SLX9: variants seen among roughly 807,000 people sequenced by gnomAD.
The protein encoded by SLX9 is SLX9 ribosome biogenesis factor.
SLX9 carries 19 observed loss-of-function variants against 20.8 expected under a neutral mutation model. The observed-to-expected ratio is 0.91, with a 90% CI of 0.64 to 1.34. SLX9 has a LOEUF of 1.34. Ranked by LOEUF, SLX9 falls within the 40% of genes most tolerant of loss-of-function variation. SLX9 has a pLI of 0.00. For missense variants in SLX9, 299 were observed against 322.2 expected (o/e 0.93, Z 0.55); for synonymous variants, 113 against 137.1 (o/e 0.82, Z 1.23).
Position 44,969,179 on chromosome 21 carries a change from G to T in SLX9, c.500+1998G>T, listed in dbSNP as rs544936206. On this transcript the variant is annotated intron_variant, in intron 4 of 5. Transcript: ENST00000291634. ...CATGGCCCAGCTGCCCAGGCTCGAG[G>T]GTGGCAGGTCACGCGCTGCAGGCCC... 12 of 470,640 alleles carry T rather than the reference G, an allele frequency of 2.5e-5. No individual in the cohort carries two copies. In the East Asian group the frequency reaches 8.3e-4, roughly 33 times the overall value. The allele number at this position is 470,640 out of a possible 1,614,324, so 29.2% of individuals were successfully genotyped here. A position where few individuals can be genotyped will look rare whatever the true frequency, so the allele number is the denominator to read the frequency against.
At chr21:44,953,376 G>A (rs546753717) in intron 2 of SLX9, among the ~76,000 whole-genome samples, 32 of 152,170 alleles carry the variant, frequency 2.1e-4, no homozygotes, top group Non-Finnish European at 4.1e-4. Context: ...CAAGAGCTGC[G>A]AGTGGCTGTA....
intron 4 of SLX9, among the ~76,000 whole-genome samples, chr21:44,970,349 C>T (rs536595588): frequency 1.3e-5 from 2 of 148,850 alleles, no homozygotes; most frequent in Admixed American, 6.6e-5. Flanking sequence ...CAGCATTGGC[C>T]GCTGGGAGTT....
intron 2 of SLX9, among the ~76,000 whole-genome samples, chr21:44,947,122 G>C (rs1301090914): frequency 1.3e-5 from 2 of 152,146 alleles, no homozygotes; most frequent in East Asian, 1.9e-4. Context: ...TTTTGGTGTG[G>C]TCTCCTCAGC....
intron 5 of SLX9, among the ~76,000 whole-genome samples, chr21:44,975,051 A>G (rs549814078): frequency 3.4e-4 from 52 of 152,310 alleles, no homozygotes; most frequent in Middle Eastern, 6.8e-3. Flanking sequence ...TGCTTCTGAG[A>G]GGAGAGCAGG....
rs531851949 is a variant in SLX9 at position 44,970,854 on chromosome 21, C to T, written c.501-2343C>T. 3.3e-5 allele frequency among the ~76,000 whole-genome samples: 5 copies of T among 152,264 alleles called. No individual in the cohort carries two copies. The East Asian group carries it at 5.8e-4, about 18-fold the overall frequency. On this transcript the variant is annotated intron_variant, in intron 4 of 5. Coordinates refer to ENST00000291634, the MANE Select transcript of SLX9 (RefSeq NM_058190.4). Reference sequence around the variant, plus strand: ...ACCCAAGCATTGGGTCCTTGCCCCACGGCCCCTCCCAACCCTCAGTCCCCT... The same window carrying T: ...ACCCAAGCATTGGGTCCTTGCCCCATGGCCCCTCCCAACCCTCAGTCCCCT...
At chr21:44,944,253 G>C (rs1471657060) in intron 2 of SLX9, among the ~76,000 whole-genome samples, 1 of 152,240 alleles carries the variant, frequency 6.6e-6, no homozygotes, top group Non-Finnish European at 1.5e-5. Context: ...AATAACTCTT[G>C]AGGGTTTAGA....
intron 2 of SLX9, among the ~76,000 whole-genome samples, chr21:44,956,692 G>A (rs1221492392): frequency 3.9e-5 from 6 of 152,234 alleles, no homozygotes; most frequent in African/African-American, 4.8e-5. Context: ...CGGAAAAGCC[G>A]GTCTCATGCT....
chr21:44,950,581 C>T lies in SLX9; in HGVS notation c.283+6744C>T, dbSNP rs796577030. Among the ~76,000 whole-genome samples the T allele has an allele frequency of 3.3e-5, 5 of 152,250 alleles. No homozygotes were observed. The South Asian group carries it at 6.2e-4, about 19-fold the overall frequency. ...TCTTAAGCCAGGCATCCTTGTGAGC[C>T]ACATGTTGTTGAGACGCTAGACCAG... On this transcript the variant is annotated intron_variant, in intron 2 of 5. Coordinates refer to ENST00000291634, the MANE Select transcript of SLX9 (RefSeq NM_058190.4).
chr21:44,970,841 G>A (rs2123454912), intron 4 of SLX9, among the ~76,000 whole-genome samples: 1 of 152,298 alleles, frequency 6.6e-6, no homozygotes, highest in South Asian at 2.1e-4. Context: ...CCAAGCATTG[G>A]GTCCTTGCCC....
At chr21:44,973,096 C>A in intron 4 of SLX9, 101 bp from the exon 5 acceptor site, 1 of 1,343,052 alleles carries the variant, frequency 7.4e-7, no homozygotes. Context: ...CCTCTGGCCA[C>A]CACGACGTCT....
intron 2 of SLX9, among the ~76,000 whole-genome samples, chr21:44,956,701 C>A (rs1462697571): frequency 6.6e-6 from 1 of 152,226 alleles, no homozygotes; most frequent in Non-Finnish European, 1.5e-5. Flanking sequence ...CGGTCTCATG[C>A]TGATTTTCCT....
intron 2 of SLX9, among the ~76,000 whole-genome samples, chr21:44,949,725 C>T (rs991965177): frequency 2.6e-5 from 4 of 152,284 alleles, no homozygotes; most frequent in Admixed American, 6.5e-5. Flanking sequence ...GACTGGGTGA[C>T]GAGGCCACCA....
At position 44,976,891 on chromosome 21, in the gene SLX9, G is replaced by C; in HGVS notation, c.*88G>C. ...CCCTCAAGGACCATGGCCTGAGCCT[G>C]GTGGACGCCCTTCCCTCTGGTCGGT... is the stretch of plus-strand genomic sequence containing the variant. On this transcript the variant is annotated 3_prime_UTR_variant, in exon 6 of 6. Coordinates refer to ENST00000291634, the MANE Select transcript of SLX9 (RefSeq NM_058190.4). 3 of 1,506,788 alleles carry C rather than the reference G, an allele frequency of 2.0e-6. No individual in the cohort carries two copies. Among genetic ancestry groups the C allele is most frequent in the South Asian group, 1.2e-5 (1 of 82,114 alleles). 93.3% of individuals were successfully genotyped at this position (1,506,788 alleles called of 1,614,324 possible).
chr21:44,946,413 G>A (rs1242658147), intron 2 of SLX9, among the ~76,000 whole-genome samples: 2 of 152,238 alleles, frequency 1.3e-5, no homozygotes, highest in Non-Finnish European at 1.5e-5. Flanking sequence ...CCCATAGCCC[G>A]CCTTGAGGGG....
intron 2 of SLX9, among the ~76,000 whole-genome samples, chr21:44,945,562 C>T (rs866869277): frequency 7.2e-5 from 11 of 152,220 alleles, no homozygotes; most frequent in East Asian, 3.8e-4. Context: ...TTTAGGGAGA[C>T]GTCACGCTCA....
chr21:44,971,050 A>G (rs1160912796), intron 4 of SLX9, among the ~76,000 whole-genome samples: 1 of 104,896 alleles, frequency 9.5e-6, no homozygotes. Flanking sequence ...GCGACACTTG[A>G]CTCCGGTGAC....
At chr21:44,963,713 A>C (rs981571475) in intron 3 of SLX9, among the ~76,000 whole-genome samples, 1 of 152,210 alleles carries the variant, frequency 6.6e-6, no homozygotes, top group African/African-American at 2.4e-5. Context: ...GAAAAATCAG[A>C]AAGTCTCATA....
chr21:44,976,356 G>GGAGT (rs2085262525), intron 5 of SLX9, among the ~76,000 whole-genome samples: 1 of 152,210 alleles, frequency 6.6e-6, no homozygotes, highest in African/African-American at 2.4e-5. Context: ...TCTCATGTAA[G>GGAGT]GAGTGAGTCT....
rs898274120 is a variant in SLX9, at chr21:44,963,624, A to G, written c.353-3410A>G. ...GTGGTTAAGTTCCTTTTTTCCCCCT[A>G]ATATGGATATTCAGCTGTTCCAGCA... On this transcript the variant is annotated intron_variant, in intron 3 of 5. Transcript: ENST00000291634. Among the ~76,000 whole-genome samples the G allele has an allele frequency of 3.9e-5, 6 of 151,914 alleles. No individual in the cohort carries two copies. The South Asian group carries it at 1.2e-3, about 32-fold the overall frequency.
Sources: gnomAD v4.1 joint callset for allele counts (sites outside exome capture counted in the v4.1 genomes callset) on GRCh38, gnomAD v4.1.1 for gene constraint, MANE v1.5 for transcripts, NCBI Gene and HGNC (gene_info 2026-07-23, HGNC 2026-07-21) for gene names.